The following PTPRD variants were observed in gnomAD, a reference collection of about 807,000 sequenced individuals.
PTPRD encodes the protein protein tyrosine phosphatase receptor type D, also known as receptor-type tyrosine-protein phosphatase delta.
Under a neutral mutation model 214.5 loss-of-function variants are expected in PTPRD, and 34 were observed. The ratio of observed to expected loss-of-function variants is 0.16; its 90% CI spans 0.12 to 0.21. The LOEUF (loss-of-function observed/expected upper bound fraction) is 0.21, where lower values mean the gene tolerates loss of function less well. Ranked by LOEUF, PTPRD falls within the 10% of genes least tolerant of loss-of-function variation. The pLI is 1.00. For synonymous variants in PTPRD, 1,128 were observed against 845.7 expected (o/e 1.33, Z -5.79); for missense variants, 2,545 against 2,398.7 (o/e 1.06, Z -1.27).
chr9:10,144,775 ATCTC>A (rs1232073579), intron 3 of PTPRD, among the ~76,000 whole-genome samples: 1 of 152,212 alleles, frequency 6.6e-6, no homozygotes, highest in Non-Finnish European at 1.5e-5. Context: ...CCCATTATAA[ATCTC>A]TCTCTCTAAT....
intron 10 of PTPRD, among the ~76,000 whole-genome samples, chr9:9,051,590 G>T (rs953454253): frequency 1.3e-5 from 2 of 152,208 alleles, no homozygotes; most frequent in African/African-American, 4.8e-5. Context: ...TTGCAAAAAT[G>T]AGGTAGAACA....
At chr9:10,333,524 G>A (rs1039092824) in intron 3 of PTPRD, among the ~76,000 whole-genome samples, 7 of 151,838 alleles carry the variant, frequency 4.6e-5, no homozygotes, top group African/African-American at 1.5e-4. Context: ...CCCTGAAGAA[G>A]TGGAATCTGC....
At chr9:10,184,012 A>T (rs935047026) in intron 3 of PTPRD, among the ~76,000 whole-genome samples, 43 of 152,242 alleles carry the variant, frequency 2.8e-4, no homozygotes, top group South Asian at 2.1e-4. Flanking sequence ...GGTCACATGC[A>T]CGTATACATC....
intron 3 of PTPRD, among the ~76,000 whole-genome samples, chr9:10,094,804 T>C (rs2098466876): frequency 1.3e-5 from 2 of 151,430 alleles, no homozygotes; most frequent in East Asian, 3.9e-4. Context: ...TCAAAAAATG[T>C]TTTGACAACC....
intron 7 of PTPRD, among the ~76,000 whole-genome samples, chr9:9,593,655 A>T (rs889366179): frequency 5.9e-5 from 9 of 152,052 alleles, no homozygotes; most frequent in Admixed American, 2.0e-4. Flanking sequence ...TGCCCAAGAA[A>T]AAAGAGAACC....
intron 11 of PTPRD, among the ~76,000 whole-genome samples, chr9:8,821,231 G>A (rs964340008): frequency 1.3e-5 from 2 of 152,080 alleles, no homozygotes; most frequent in African/African-American, 4.8e-5. Flanking sequence ...GTTGGTAGCT[G>A]GCCACATACA....
intron 43 of PTPRD, among the ~76,000 whole-genome samples, chr9:8,334,077 C>T (rs1844212033): frequency 6.6e-6 from 1 of 152,146 alleles, no homozygotes; most frequent in Non-Finnish European, 1.5e-5. Context: ...TAGACTCCCA[C>T]ACAATAATAA....
intron 3 of PTPRD, among the ~76,000 whole-genome samples, chr9:10,214,017 C>T (rs950704484): frequency 1.3e-5 from 2 of 152,042 alleles, no homozygotes; most frequent in African/African-American, 4.8e-5. Context: ...CTATCAACAG[C>T]TGTAAAGGCA....
chr9:8,616,226 G>C (rs545766624), intron 14 of PTPRD, among the ~76,000 whole-genome samples: 2 of 151,958 alleles, frequency 1.3e-5, no homozygotes, highest in African/African-American at 2.4e-5. Context: ...GAAGTGCAAC[G>C]GGCCAATGAA....
intron 11 of PTPRD, among the ~76,000 whole-genome samples, chr9:8,785,926 C>A (rs1399601535): frequency 2.0e-5 from 3 of 152,078 alleles, no homozygotes; most frequent in East Asian, 1.9e-4. Flanking sequence ...AAAGCAAAAT[C>A]TTTTTCCTTT....
chr9:10,024,522 C>T (rs947167303), intron 4 of PTPRD, among the ~76,000 whole-genome samples: 5 of 152,124 alleles, frequency 3.3e-5, no homozygotes, highest in African/African-American at 1.2e-4. Context: ...GCACTGTAGT[C>T]ATGTCCTAAT....
intron 2 of PTPRD, among the ~76,000 whole-genome samples, chr9:10,489,597 C>A (rs1179154430): frequency 6.6e-6 from 1 of 152,178 alleles, no homozygotes; most frequent in Non-Finnish European, 1.5e-5. Context: ...CTTTGGCCTG[C>A]AGCTGCTGAG....
At chr9:9,250,733 C>T (rs569422019) in intron 9 of PTPRD, among the ~76,000 whole-genome samples, 3 of 151,952 alleles carry the variant, frequency 2.0e-5, no homozygotes, top group Non-Finnish European at 4.4e-5. Flanking sequence ...ACCTATGAAA[C>T]AGCAAAAACC....
At chr9:8,604,069 T>C (rs1225486076) in intron 14 of PTPRD, among the ~76,000 whole-genome samples, 1 of 152,176 alleles carries the variant, frequency 6.6e-6, no homozygotes, top group African/African-American at 2.4e-5. Context: ...GCTTCCAGCA[T>C]ATCATACTGT....
At chr9:10,476,241 T>C (rs2099061777) in intron 2 of PTPRD, among the ~76,000 whole-genome samples, 1 of 152,098 alleles carries the variant, frequency 6.6e-6, no homozygotes, top group African/African-American at 2.4e-5. Flanking sequence ...AACCCCATAG[T>C]CTCAGCCCAA....
chr9:9,363,141 G>A (rs1442703865), intron 9 of PTPRD, among the ~76,000 whole-genome samples: 1 of 119,306 alleles, frequency 8.4e-6, no homozygotes, highest in African/African-American at 3.2e-5. Context: ...AACTGTACTT[G>A]TGGTCACATT....
intron 3 of PTPRD, among the ~76,000 whole-genome samples, chr9:10,149,225 C>G (rs569204796): frequency 6.6e-6 from 1 of 152,182 alleles, no homozygotes; most frequent in South Asian, 2.1e-4. Context: ...TGTTGCAACA[C>G]AAGTTTTGTC....
At chr9:8,412,149 C>T (rs2093584034) in intron 35 of PTPRD, among the ~76,000 whole-genome samples, 1 of 151,998 alleles carries the variant, frequency 6.6e-6, no homozygotes, top group South Asian at 2.1e-4. Context: ...TGCCTGTAAT[C>T]CCACCTACTC....
intron 9 of PTPRD, among the ~76,000 whole-genome samples, chr9:9,223,195 C>A (rs923398723): frequency 6.6e-6 from 1 of 151,924 alleles, no homozygotes; most frequent in Non-Finnish European, 1.5e-5. Context: ...CACTGAGTAA[C>A]TGAGGAATAG....
Sources: gnomAD v4.1 joint callset for allele counts (sites outside exome capture counted in the v4.1 genomes callset) on GRCh38, gnomAD v4.1.1 for gene constraint, MANE v1.5 for transcripts, NCBI Gene and HGNC (gene_info 2026-07-23, HGNC 2026-07-21) for gene names.